The following CDH20 variants were observed in gnomAD, a reference collection of about 807,000 sequenced individuals.
CDH20 encodes the protein cadherin 20, also known as cadherin-20.
In CDH20, 29 loss-of-function variants were observed where a neutral mutation model predicts 74.2. The observed-to-expected ratio is 0.39, with a 90% confidence interval of 0.29 to 0.53. The LOEUF is 0.53. CDH20 is among the 20% of genes least tolerant of loss of function. CDH20 has a pLI of 0.69. For missense variants in CDH20, 988 were observed against 1,048.3 expected (o/e 0.94, Z 0.79); for synonymous variants, 469 against 405.4 (o/e 1.16, Z -1.88).
chr18:61,554,050 T>C (rs1913529858), intron 11 of CDH20, 140 bp from the exon 12 acceptor site: 2 of 965,200 alleles, frequency 2.1e-6, no homozygotes, highest in Non-Finnish European at 3.0e-6. Flanking sequence ...CTCCCCGAGG[T>C]TTCAGATATC....
chr18:61,507,296 C>T, intron 5 of CDH20, 77 bp from the exon 6 acceptor site: 2 of 1,360,468 alleles, frequency 1.5e-6, no homozygotes, highest in Non-Finnish European at 2.1e-6. Context: ...TTGCACAGCA[C>T]TCCTGATATG....
intron 1 of CDH20, among the ~76,000 whole-genome samples, chr18:61,483,663 TGAA>T (rs1910664271): frequency 2.0e-5 from 3 of 152,180 alleles, no homozygotes; most frequent in African/African-American, 7.2e-5. Flanking sequence ...GTAAACTCCT[TGAA>T]GGAGGAAAAG....
chr18:61,495,084 T>A (rs970841862), intron 2 of CDH20, among the ~76,000 whole-genome samples: 1 of 152,180 alleles, frequency 6.6e-6, no homozygotes, highest in Non-Finnish European at 1.5e-5. Context: ...GCCTAAAATA[T>A]TTTTTTAGGA....
At chr18:61,360,219 C>A (rs1910644069) in intron 1 of CDH20, among the ~76,000 whole-genome samples, 1 of 152,148 alleles carries the variant, frequency 6.6e-6, no homozygotes, top group South Asian at 2.1e-4. Flanking sequence ...GCTAGATGAT[C>A]TGTAGGTTAC....
intron 1 of CDH20, among the ~76,000 whole-genome samples, chr18:61,487,713 CA>C (rs1406566889): frequency 6.6e-6 from 1 of 152,158 alleles, no homozygotes; most frequent in African/African-American, 2.4e-5. Flanking sequence ...TGAAAACAGG[CA>C]ACCTGACCGC....
chr18:61,541,037 A>G (rs1469630447), intron 9 of CDH20, among the ~76,000 whole-genome samples: 1 of 152,160 alleles, frequency 6.6e-6, no homozygotes, highest in African/African-American at 2.4e-5. Flanking sequence ...CTAAGACCTG[A>G]AATGTTATGC....
At chr18:61,540,372 G>T (rs1912985285) in intron 9 of CDH20, among the ~76,000 whole-genome samples, 1 of 152,088 alleles carries the variant, frequency 6.6e-6, no homozygotes, top group Non-Finnish European at 1.5e-5. Context: ...TCATGCTGCT[G>T]ATAAAGACAT....
At chr18:61,384,903 CT>C (rs1222048506) in intron 1 of CDH20, among the ~76,000 whole-genome samples, 2 of 152,106 alleles carry the variant, frequency 1.3e-5, no homozygotes, top group Non-Finnish European at 2.9e-5. Flanking sequence ...AAATTCCCAC[CT>C]TTTTCTAAGA....
rs575840776 is a variant in CDH20, at chr18:61,353,629, C to T, written c.-153+19802C>T. Among the ~76,000 whole-genome samples, 1 of 152,268 alleles carries T rather than the reference C, an allele frequency of 6.6e-6. No individual in the cohort carries two copies. The highest frequency in any genetic ancestry group is 1.5e-5 in the Non-Finnish European group (1 of 68,030). Reference sequence around the variant, plus strand: ...ATTTTGTTCAGTTAAATTTAATGGACCCTCAAATGTAACGGACCACCACCT... The same window carrying T: ...ATTTTGTTCAGTTAAATTTAATGGATCCTCAAATGTAACGGACCACCACCT... On this transcript the variant is annotated intron_variant, in intron 1 of 11. Transcript: ENST00000262717. This position sits in a 1 kb window ranked among gnomAD's most constrained non-coding sequence, Gnocchi z 4.6.
intron 1 of CDH20, among the ~76,000 whole-genome samples, chr18:61,445,894 G>A (rs935854967): frequency 4.6e-5 from 7 of 152,134 alleles, no homozygotes; most frequent in African/African-American, 1.7e-4. Context: ...TCACCTCCAG[G>A]ACTGCTAAGC....
chr18:61,445,279 C>T (rs1909161315), intron 1 of CDH20, among the ~76,000 whole-genome samples: 1 of 151,624 alleles, frequency 6.6e-6, no homozygotes, highest in South Asian at 2.1e-4. Flanking sequence ...AACAACCCTG[C>T]AAGGTAGGTT....
chr18:61,536,554 G>A lies in CDH20; in HGVS notation c.1333G>A (p.Ala445Thr). 6.2e-7 allele frequency: 1 copy of A among 1,613,268 alleles called. No homozygotes were observed. Among genetic ancestry groups the A allele is most frequent in the Non-Finnish European group, 8.5e-7 (1 of 1,179,258 alleles). ...TTTCTATGTTGACATTACAACAGGT[G>A]CCCTAATGACAGCAAGACCCCTAGA... Reference protein sequence around the residue: ...RFFYVDITTGALMTARPLDRE... With the variant: ...RFFYVDITTGTLMTARPLDRE... The change falls in exon 8 of 12, where the codon GCC becomes ACC. Residue 445 changes from alanine (A) to threonine (T), a missense_variant. By Grantham distance (58) the Ala-to-Thr change is moderately conservative. Coordinates refer to ENST00000262717, the MANE Select transcript of CDH20 (RefSeq NM_031891.4).
At chr18:61,540,122 A>G (rs564742424) in intron 9 of CDH20, among the ~76,000 whole-genome samples, 8 of 152,206 alleles carry the variant, frequency 5.3e-5, no homozygotes, top group African/African-American at 1.9e-4. Flanking sequence ...CTTTTGTAAG[A>G]TGCTTTCCTC....
intron 1 of CDH20, among the ~76,000 whole-genome samples, chr18:61,463,284 C>T (rs1909849904): frequency 6.6e-6 from 1 of 152,142 alleles, no homozygotes; most frequent in Non-Finnish European, 1.5e-5. Context: ...CGGTATCATC[C>T]TCAAGAGAAT....
chr18:61,540,467 G>A (rs562449237), intron 9 of CDH20, among the ~76,000 whole-genome samples: 2 of 152,170 alleles, frequency 1.3e-5, no homozygotes, highest in African/African-American at 4.8e-5. Context: ...CAATCACGGT[G>A]GAAGGCGAAA....
At chr18:61,456,145 G>A (rs62098122) in intron 1 of CDH20, among the ~76,000 whole-genome samples, 15,235 of 152,152 alleles carry the variant, frequency 0.1, 848 homozygotes, top group Middle Eastern at 0.2. Flanking sequence ...CTATGGTTTG[G>A]GTGCCCCCAT....
In CDH20 at chr18:61,377,731, A is replaced by G. The variant is rs533076806; in HGVS notation, c.-153+43904A>G. Among the ~76,000 whole-genome samples the G allele has an allele frequency of 5.3e-5, 8 of 152,152 alleles. No homozygotes were observed. In the South Asian group the frequency reaches 1.2e-3, roughly 24 times the overall value. On this transcript the variant is annotated intron_variant, in intron 1 of 11. Coordinates refer to ENST00000262717, the MANE Select transcript of CDH20 (RefSeq NM_031891.4). ...CCTCAGCAGCTCATTTGCACATTCT[A>G]TCATGGGTTTCTTAATATTACGATA... is the stretch of plus-strand genomic sequence containing the variant.
intron 1 of CDH20, among the ~76,000 whole-genome samples, chr18:61,355,821 T>C (rs951324335): frequency 2.6e-5 from 4 of 152,052 alleles, no homozygotes; most frequent in Non-Finnish European, 2.9e-5. Flanking sequence ...TGGGCAAAAA[T>C]TGGGCAAAAA....
chr18:61,407,296 T>C (rs1384347343), intron 1 of CDH20, among the ~76,000 whole-genome samples: 1 of 152,206 alleles, frequency 6.6e-6, no homozygotes, highest in African/African-American at 2.4e-5. Flanking sequence ...GAGAAAGACA[T>C]TCCTGGGTCT....
Sources: gnomAD v4.1 joint callset for allele counts (sites outside exome capture counted in the v4.1 genomes callset) on GRCh38, gnomAD v4.1.1 for gene constraint, Gnocchi (gnomAD v3.1) non-coding constraint, MANE v1.5 for transcripts, NCBI Gene and HGNC (gene_info 2026-07-23, HGNC 2026-07-21) for gene names.